The following RAP1GAP2 variants were observed in gnomAD, a reference collection of about 807,000 sequenced individuals.
RAP1GAP2 encodes rap1 GTPase-activating protein 2.
RAP1GAP2 carries 27 observed loss-of-function variants against 95.0 expected under a neutral mutation model. The observed-to-expected ratio is 0.28, with a 90% CI of 0.21 to 0.39. The LOEUF is 0.39. Ranked by LOEUF, RAP1GAP2 falls within the 10% of genes least tolerant of loss-of-function variation. The pLI is 1.00. For missense variants in RAP1GAP2, 771 were observed against 970.0 expected (o/e 0.79, Z 2.72); for synonymous variants, 373 against 380.9 (o/e 0.98, Z 0.24).
chr17:2,969,256 C>G (rs997359016), intron 8 of RAP1GAP2, among the ~76,000 whole-genome samples: 7 of 151,174 alleles, frequency 4.6e-5, no homozygotes, highest in Admixed American at 1.3e-4. Context: ...TTTTCAATTG[C>G]CTTTGGAATA....
At chr17:2,989,409 T>C (rs1034995766) in intron 11 of RAP1GAP2, among the ~76,000 whole-genome samples, 1 of 152,128 alleles carries the variant, frequency 6.6e-6, no homozygotes, top group Non-Finnish European at 1.5e-5. Context: ...CTCTACTCAC[T>C]GCAACCTCTG....
At chr17:2,865,361 T>C (rs1178476893) in intron 2 of RAP1GAP2, among the ~76,000 whole-genome samples, 1 of 152,080 alleles carries the variant, frequency 6.6e-6, no homozygotes, top group Non-Finnish European at 1.5e-5. Context: ...TGGGCTTCTT[T>C]TGAATGCTTA....
chr17:2,962,091 A>T (rs2044359945), intron 4 of RAP1GAP2, among the ~76,000 whole-genome samples: 2 of 151,914 alleles, frequency 1.3e-5, no homozygotes, highest in Non-Finnish European at 2.9e-5. Flanking sequence ...TAGTAGAGAC[A>T]GGGTTTCTCC....
chr17:2,963,782 G>A lies in RAP1GAP2; in HGVS notation c.280-74G>A. On this transcript the variant is annotated intron_variant, in intron 6 of 24. Transcript: ENST00000254695. This position sits in a 1 kb window ranked among gnomAD's most constrained non-coding sequence, Gnocchi z 4.8. Reference sequence around the variant, plus strand: ...AGGCCCCACTCCTGGGAGCAGCGCAGAGGGGACACCGCCACCGGCCCCCTC... The same window carrying A: ...AGGCCCCACTCCTGGGAGCAGCGCAAAGGGGACACCGCCACCGGCCCCCTC... The A allele has an allele frequency of 1.5e-6, 2 of 1,329,498 alleles. No individual in the cohort carries two copies. Among genetic ancestry groups the A allele is most frequent in the African/African-American group, 1.5e-5 (1 of 68,346 alleles). 82.4% of individuals were successfully genotyped at this position (1,329,498 alleles called of 1,614,324 possible). A position where few individuals can be genotyped will look rare whatever the true frequency, so the allele number is the denominator to read the frequency against.
At chr17:2,986,141 T>C (rs1164750865) in intron 11 of RAP1GAP2, among the ~76,000 whole-genome samples, 2 of 152,226 alleles carry the variant, frequency 1.3e-5, no homozygotes, top group African/African-American at 4.8e-5. Context: ...TTTTTTTGCA[T>C]GATGGTATCT....
intron 1 of RAP1GAP2, among the ~76,000 whole-genome samples, chr17:2,783,033 CCCCATTTTATGAGGAAGTTTT>C (rs1208415092): frequency 6.6e-6 from 1 of 152,066 alleles, no homozygotes; most frequent in Non-Finnish European, 1.5e-5. Flanking sequence ...AACAAACCAT[CCCCATTTTATGAGGAAGTTTT>C]CCCATTTTAT....
At chr17:2,773,556 C>G (rs1282584810), upstream of RAP1GAP2, among the ~76,000 whole-genome samples, 3 of 151,938 alleles carry the variant, frequency 2.0e-5, no homozygotes, top group Admixed American at 1.3e-4. Flanking sequence ...AAGGTGTGAC[C>G]AGTGTGCTGG....
chr17:2,813,544 G>A (rs1425517001), intron 2 of RAP1GAP2, among the ~76,000 whole-genome samples: 1 of 152,124 alleles, frequency 6.6e-6, no homozygotes, highest in Non-Finnish European at 1.5e-5. Flanking sequence ...CAGGGCTTCT[G>A]GTAACATTTG....
intron 2 of RAP1GAP2, among the ~76,000 whole-genome samples, chr17:2,804,417 G>A (rs1251621434): frequency 2.6e-5 from 4 of 152,218 alleles, no homozygotes; most frequent in Middle Eastern, 3.2e-3. Flanking sequence ...TAGGAAACCC[G>A]TTCAAGGTCT....
chr17:2,891,725 G>A (rs2073722195), intron 2 of RAP1GAP2, among the ~76,000 whole-genome samples: 1 of 149,474 alleles, frequency 6.7e-6, no homozygotes, highest in African/African-American at 2.5e-5. Flanking sequence ...AATTTTCTTT[G>A]AGAATTTTGA....
chr17:2,808,557 G>T (rs976085745), intron 2 of RAP1GAP2, among the ~76,000 whole-genome samples: 2 of 152,244 alleles, frequency 1.3e-5, no homozygotes, highest in East Asian at 3.9e-4. Context: ...GGAAGCAGCT[G>T]CACGGCGTCC....
At chr17:3,026,538 C>T in intron 21 of RAP1GAP2, 74 bp downstream of exon 21, 1 of 1,184,236 alleles carries the variant, frequency 8.4e-7, no homozygotes, top group Non-Finnish European at 1.2e-6. Flanking sequence ...ATTAAAACGG[C>T]ACTGTGGATC....
rs545900796 is a variant in RAP1GAP2, at chr17:2,934,236, A to G, written c.166-23523A>G. Among the ~76,000 whole-genome samples, 11 of 152,302 alleles carry G rather than the reference A, an allele frequency of 7.2e-5. No individual in the cohort carries two copies. The South Asian group carries it at 2.3e-3, about 32-fold the overall frequency. On this transcript the variant is annotated intron_variant, in intron 3 of 24. Coordinates refer to ENST00000254695, the MANE Select transcript of RAP1GAP2 (RefSeq NM_015085.5). The stretch of plus-strand genomic sequence containing the variant: ...AACCTCTGCCTCCTGGGTTCAAGTG[A>G]TTGTCCTGACTCAGCCTCCTGAGTA...
chr17:2,837,638 A>G (rs9910680), intron 2 of RAP1GAP2, among the ~76,000 whole-genome samples: 26,734 of 137,410 alleles, frequency 0.19, 2,549 homozygotes, highest in Middle Eastern at 0.24. Flanking sequence ...ATGGAGTCTC[A>G]CTCAGTTGCC....
chr17:2,816,231 GTTTTGTT>G (rs2070019042), intron 2 of RAP1GAP2, among the ~76,000 whole-genome samples: 1 of 146,616 alleles, frequency 6.8e-6, no homozygotes, highest in Non-Finnish European at 1.5e-5. Flanking sequence ...GTGCTGTTTT[GTTTTGTT>G]TTTTTTTTTT....
Position 2,889,680 on chromosome 17 carries a change from A to ATTTT in RAP1GAP2, c.81-15587_81-15584dup, listed in dbSNP as rs66922781. Among the ~76,000 whole-genome samples, 8 of 108,526 alleles carry ATTTT rather than the reference A, an allele frequency of 7.4e-5. No homozygotes were observed. In the East Asian group the frequency reaches 2.2e-3, roughly 30 times the overall value. The allele number at this position is 108,526 out of a possible 152,430, so 71.2% of individuals were successfully genotyped here. A position where few individuals can be genotyped will look rare whatever the true frequency, so the allele number is the denominator to read the frequency against. ...AGGAGGTTTGATCGATCTGCGCTGG[A>ATTTT]TTTTTTTTTTTTTTTTTTTTGAGAT... On this transcript the variant is annotated intron_variant, in intron 2 of 24. Transcript: ENST00000254695.
chr17:2,847,492 G>C (rs914753662), intron 2 of RAP1GAP2, among the ~76,000 whole-genome samples: 1 of 152,094 alleles, frequency 6.6e-6, no homozygotes, highest in East Asian at 1.9e-4. Flanking sequence ...GGCACAGAAG[G>C]CGTTACTGGA....
In RAP1GAP2 at chr17:2,903,364, C is replaced by T. The variant is rs1486104519; in HGVS notation, c.81-1920C>T. On this transcript the variant is annotated intron_variant, in intron 2 of 24. Coordinates refer to ENST00000254695, the MANE Select transcript of RAP1GAP2 (RefSeq NM_015085.5). The surrounding 1 kb of genome is among the most constrained non-coding windows in gnomAD (Gnocchi z 4.1). ...GTGCTGGACCCAGCTCTGTTGTGCA[C>T]ACAGGCAGGTGAGTGTCTGGCAGAG... 6.6e-6 allele frequency among the ~76,000 whole-genome samples: 1 copy of T among 152,196 alleles called. No homozygotes were observed. Among genetic ancestry groups the T allele is most frequent in the East Asian group, 1.9e-4 (1 of 5,192 alleles).
chr17:2,882,121 T>TTC (rs1229664152), intron 2 of RAP1GAP2, among the ~76,000 whole-genome samples: 5 of 143,350 alleles, frequency 3.5e-5, no homozygotes, highest in Non-Finnish European at 7.7e-5. Flanking sequence ...TGCCTGGCCT[T>TTC]TTTTTTTTTT....
Sources: allele counts gnomAD v4.1 joint callset (sites outside exome capture counted in the v4.1 genomes callset), GRCh38; gene constraint gnomAD v4.1.1; non-coding constraint Gnocchi (gnomAD v3.1); transcripts MANE v1.5; gene names NCBI Gene and HGNC (gene_info 2026-07-23, HGNC 2026-07-21).